Variants in SLC12A9 observed in about 807,000 individuals in gnomAD.
The protein encoded by SLC12A9 is CCC-interacting protein 1.
In SLC12A9, 55 loss-of-function variants were observed where a neutral mutation model predicts 66.0. The observed-to-expected ratio is 0.83, with a 90% CI of 0.67 to 1.04. The LOEUF is 1.04. Among genes scored for constraint, SLC12A9 ranks in the 50% least tolerant of loss-of-function variants. The pLI is 0.00. For synonymous variants in SLC12A9, 577 were observed against 569.0 expected (o/e 1.01, Z -0.20); for missense variants, 1,061 against 1,241.9 (o/e 0.85, Z 2.19).
upstream of SLC12A9, among the ~76,000 whole-genome samples, chr7:100,850,029 C>T (rs531230000): frequency 5.3e-5 from 8 of 152,004 alleles, no homozygotes; most frequent in Non-Finnish European, 8.8e-5. Context: ...CCTGCCACCA[C>T]GCCCGGCTAA....
At position 100,858,825 on chromosome 7, in the gene SLC12A9, A is replaced by T. The variant is rs150131279; in HGVS notation, c.758-10A>T. On this transcript the variant is annotated splice_polypyrimidine_tract_variant and intron_variant, in intron 5 of 13. Coordinates refer to ENST00000354161, the MANE Select transcript of SLC12A9 (RefSeq NM_020246.4). ...CTGATGCACTCTCCTCCCTGGGAGG[A>T]TCCTCCTAGCTGGCTATGCTGAGGA... 1.6e-5 allele frequency: 26 copies of T among 1,613,708 alleles called. No homozygotes were observed. The highest frequency in any genetic ancestry group is 2.1e-5 in the Non-Finnish European group (25 of 1,179,860).
Position 100,861,099 on chromosome 7 carries a change from C to A in SLC12A9, c.1219-39C>A. ...CACTGGCATTTTGGGGGTGCACTGGCACTTTGGAACAACGGCACGCCTCTT... is the reference window on the plus strand; with the variant it reads ...CACTGGCATTTTGGGGGTGCACTGGAACTTTGGAACAACGGCACGCCTCTT... On this transcript the variant is annotated intron_variant, in intron 9 of 13. Transcript: ENST00000354161. This position sits in a 1 kb window ranked among gnomAD's most constrained non-coding sequence, Gnocchi z 5.3. The A allele has an allele frequency of 1.2e-6, 2 of 1,613,936 alleles. No individual in the cohort carries two copies. Among genetic ancestry groups the A allele is most frequent in the Non-Finnish European group, 1.7e-6 (2 of 1,179,956 alleles).
chr7:100,864,864 C>T (rs1004658376), intron 13 of SLC12A9, among the ~76,000 whole-genome samples: 33 of 152,168 alleles, frequency 2.2e-4, no homozygotes, highest in Non-Finnish European at 4.4e-4. Flanking sequence ...CCCTGGTAAG[C>T]GGATACCATG....
At chr7:100,830,881 C>G (rs1053390813) in intron 1 of SLC12A9, among the ~76,000 whole-genome samples, 1 of 152,036 alleles carries the variant, frequency 6.6e-6, no homozygotes, top group Middle Eastern at 3.2e-3. Context: ...GAAGTCATGT[C>G]CTCCACCCTT....
chr7:100,828,350 CCAA>C (rs1473912743), intron 1 of SLC12A9, among the ~76,000 whole-genome samples: 3 of 151,724 alleles, frequency 2.0e-5, no homozygotes, highest in Non-Finnish European at 4.4e-5. Flanking sequence ...ACCAGCCTGG[CCAA>C]CATGATGAAA....
intron 12 of SLC12A9, among the ~76,000 whole-genome samples, chr7:100,862,293 C>T (rs1334738816): frequency 6.6e-6 from 1 of 152,086 alleles, no homozygotes; most frequent in Non-Finnish European, 1.5e-5. Flanking sequence ...AGGTCTTGCT[C>T]TGTCACCCAG....
chr7:100,854,438 G>A (rs1263356712), intron 2 of SLC12A9, 60 bp downstream of exon 2: 30 of 1,597,882 alleles, frequency 1.9e-5, no homozygotes, highest in Non-Finnish European at 2.2e-5. Flanking sequence ...TGATGGGGAG[G>A]GGTGGAGATG....
intron 1 of SLC12A9, among the ~76,000 whole-genome samples, chr7:100,839,521 AG>A (rs1562981813): frequency 2.0e-5 from 3 of 152,276 alleles, no homozygotes; most frequent in African/African-American, 7.2e-5. Context: ...GCAGCTCCTT[AG>A]GCGGCTTAAG....
At chr7:100,857,228 G>C (rs771284600) in intron 5 of SLC12A9, 52 bp downstream of exon 5, 2 of 1,562,394 alleles carry the variant, frequency 1.3e-6, no homozygotes, top group East Asian at 2.2e-5. Flanking sequence ...GTGGGCAGAC[G>C]TCGGGCCGGG....
chr7:100,844,767 G>A (rs1473927392), intron 1 of SLC12A9, among the ~76,000 whole-genome samples: 1 of 152,158 alleles, frequency 6.6e-6, no homozygotes, highest in Admixed American at 6.6e-5. Flanking sequence ...GGAATCAACG[G>A]GGCTGGACTG....
intron 1 of SLC12A9, among the ~76,000 whole-genome samples, chr7:100,834,894 A>G (rs314322): frequency 0.51 from 77,289 of 151,926 alleles, 20,044 homozygotes; most frequent in Middle Eastern, 0.75. Context: ...GGCTGGGCAC[A>G]GTGGCTCACG....
intron 4 of SLC12A9, chr7:100,856,121 G>A (rs1814370968): frequency 4.0e-6 from 1 of 251,260 alleles, no homozygotes; most frequent in South Asian, 7.2e-5. Context: ...AGCTAAGAGG[G>A]AAGTGGGGAA....
chr7:100,846,561 C>T (rs1339008827), intron 1 of SLC12A9, among the ~76,000 whole-genome samples: 3 of 149,070 alleles, frequency 2.0e-5, no homozygotes, highest in African/African-American at 4.9e-5. Context: ...AGTGAGACTC[C>T]GTCTCAAAAA....
chr7:100,866,345 G>C lies in SLC12A9; in HGVS notation c.2485G>C (p.Glu829Gln). ...DFVNSGRGDAEAEALARSANA... is the reference protein window; with the variant it reads ...DFVNSGRGDAQAEALARSANA... ...TGTGAACAGTGGGCGGGGAGACGCA[G>C]AGGCAGAGGCCCTGGCACGCAGCGC... The change falls in exon 14 of 14, where the codon GAG becomes CAG. Residue 829 changes from glutamate to glutamine, a missense_variant. Glu to Gln is a conservative substitution (Grantham distance 29). Transcript: ENST00000354161. The surrounding 1 kb of genome is among the most constrained non-coding windows in gnomAD (Gnocchi z 7.3). 1 of 1,506,814 alleles carries C rather than the reference G, an allele frequency of 6.6e-7. No homozygotes were observed. The highest frequency in any genetic ancestry group is 8.9e-7 in the Non-Finnish European group (1 of 1,124,192). 93.3% of individuals were successfully genotyped at this position (1,506,814 alleles called of 1,614,324 possible). A position where few individuals can be genotyped will look rare whatever the true frequency, so the allele number is the denominator to read the frequency against.
At chr7:100,832,462 G>A (rs1174428779) in intron 1 of SLC12A9, among the ~76,000 whole-genome samples, 5 of 152,176 alleles carry the variant, frequency 3.3e-5, no homozygotes, top group South Asian at 2.1e-4. Flanking sequence ...GCAGGGAGCC[G>A]TGATGGCACC....
intron 1 of SLC12A9, among the ~76,000 whole-genome samples, chr7:100,844,663 C>T (rs1351021495): frequency 6.6e-6 from 1 of 152,068 alleles, no homozygotes; most frequent in African/African-American, 2.4e-5. Flanking sequence ...GAAAAAATGG[C>T]CCTTCCTGTA....
At chr7:100,864,799 A>G (rs1226381275) in intron 13 of SLC12A9, among the ~76,000 whole-genome samples, 1 of 152,174 alleles carries the variant, frequency 6.6e-6, no homozygotes, top group Non-Finnish European at 1.5e-5. Context: ...ACCTCATAGC[A>G]TTACTTCGAG....
At chr7:100,841,233 GAAAA>G (rs1038359729) in intron 1 of SLC12A9, among the ~76,000 whole-genome samples, 1 of 149,440 alleles carries the variant, frequency 6.7e-6, no homozygotes, top group Admixed American at 6.7e-5. Flanking sequence ...AACCATGAAA[GAAAA>G]AAAGTTATAA....
intron 13 of SLC12A9, among the ~76,000 whole-genome samples, chr7:100,864,522 G>A (rs375999122): frequency 2.2e-4 from 24 of 110,984 alleles, no homozygotes; most frequent in South Asian, 6.3e-4. Context: ...AGGTCTCTGC[G>A]TCTCCCTGTA....
Sources: allele counts gnomAD v4.1 joint callset (sites outside exome capture counted in the v4.1 genomes callset), GRCh38; gene constraint gnomAD v4.1.1; non-coding constraint Gnocchi (gnomAD v3.1); transcripts MANE v1.5; gene names NCBI Gene and HGNC (gene_info 2026-07-23, HGNC 2026-07-21).